The following CATSPERG variants were observed in gnomAD, a reference collection of about 807,000 sequenced individuals.
CATSPERG encodes the protein cation channel sperm-associated auxiliary subunit gamma.
In CATSPERG, 115 loss-of-function variants were observed where a neutral mutation model predicts 145.0. The ratio of observed to expected loss-of-function variants is 0.79; its 90% CI spans 0.68 to 0.93. The LOEUF (loss-of-function observed/expected upper bound fraction) is 0.93, where lower values mean the gene tolerates loss of function less well. Ranked by LOEUF, CATSPERG falls within the 40% of genes least tolerant of loss-of-function variation. The pLI is 0.00. For missense variants in CATSPERG, 1,296 were observed against 1,490.1 expected (o/e 0.87, Z 2.14); for synonymous variants, 588 against 589.0 (o/e 1.00, Z 0.02).
chr19:38,337,728 T>C (rs1568369844), intron 3 of CATSPERG, 82 bp downstream of exon 3: 1 of 1,302,604 alleles, frequency 7.7e-7, no homozygotes, highest in South Asian at 1.5e-5. Flanking sequence ...TTATTTATTT[T>C]ATTTTTTTGA....
At position 38,358,421 on chromosome 19, in the gene CATSPERG, G is replaced by A; in HGVS notation, c.1367-11G>A. The A allele has an allele frequency of 3.1e-6, 5 of 1,614,162 alleles. No individual in the cohort carries two copies. Among genetic ancestry groups the A allele is most frequent in the Non-Finnish European group, 4.2e-6 (5 of 1,180,002 alleles). ...TCACTGCTGTGTCCTCTCTTCCTCTGCTCCGGTCAGCTCGAGGATTGGAGT... is the reference window on the plus strand; with the variant it reads ...TCACTGCTGTGTCCTCTCTTCCTCTACTCCGGTCAGCTCGAGGATTGGAGT... On this transcript the variant is annotated splice_polypyrimidine_tract_variant and intron_variant, in intron 12 of 28. Transcript: ENST00000409235.
chr19:38,359,832 T>C, intron 14 of CATSPERG: 1 of 1,232,018 alleles, frequency 8.1e-7, no homozygotes, highest in Non-Finnish European at 1.0e-6. Context: ...AGTGTGGTCG[T>C]TCACTTCATA....
Position 38,365,105 on chromosome 19 carries a change from G to T in CATSPERG, c.2601G>T (p.Gly867=). ...TCTGCTTCCAGGAAACACACCTGGG[G>T]CCCCATATGCAAGTATTGGAGCTTG... ...SGLCFQETHL[G]PHMQGNLMVP... is the part of the protein sequence containing the mutation. The change falls in exon 22 of 29, where the codon GGG becomes GGT. Residue 867 remains glycine (G), a synonymous_variant. Coordinates refer to ENST00000409235, the MANE Select transcript of CATSPERG (RefSeq NM_021185.5). 1.2e-6 allele frequency: 2 copies of T among 1,613,648 alleles called. No individual in the cohort carries two copies. The highest frequency in any genetic ancestry group is 1.7e-6 in the Non-Finnish European group (2 of 1,180,016).
chr19:38,359,165 T>C (rs548337472), intron 13 of CATSPERG, among the ~76,000 whole-genome samples: 82 of 151,986 alleles, frequency 5.4e-4, no homozygotes, highest in African/African-American at 1.9e-3. Context: ...ACAAACATTT[T>C]CTAGGGACAG....
intron 11 of CATSPERG, 22 bp downstream of exon 11, chr19:38,356,883 G>T (rs763363222): frequency 6.2e-7 from 1 of 1,613,030 alleles, no homozygotes; most frequent in Non-Finnish European, 8.5e-7. Context: ...GATGCAAGGG[G>T]CTGGGCACAA....
At position 38,337,344 on chromosome 19, in the gene CATSPERG, C is replaced by T; in HGVS notation, c.110C>T (p.Ala37Val). 4 of 1,551,416 alleles carry T rather than the reference C, an allele frequency of 2.6e-6. No individual in the cohort carries two copies. Among genetic ancestry groups the T allele is most frequent in the Non-Finnish European group, 3.5e-6 (4 of 1,146,972 alleles). The change falls in exon 2 of 29, where the codon GCG becomes GTG. Residue 37 changes from alanine to valine, a missense_variant. Coordinates refer to ENST00000409235, the MANE Select transcript of CATSPERG (RefSeq NM_021185.5). ...CTCCTGGCGTCGTGGAGGCTGTGGG[C>T]GATCAAGGATTTCCAGGAATGCACC... ...AVLLASWRLW[A>V]IKDFQECTWQ...
intron 28 of CATSPERG, 131 bp from the exon 29 acceptor site, chr19:38,370,395 G>A: frequency 7.0e-7 from 1 of 1,418,982 alleles, no homozygotes; most frequent in South Asian, 1.2e-5. Context: ...CCATGCCACA[G>A]GCTGTCTACT....
intron 4 of CATSPERG, 102 bp from the exon 5 acceptor site, chr19:38,343,891 A>T: frequency 6.9e-7 from 1 of 1,455,582 alleles, no homozygotes; most frequent in African/African-American, 1.4e-5. Flanking sequence ...CATGGCGTGG[A>T]GGCAGGTATG....
At chr19:38,345,152 G>A (rs1340690828) in intron 6 of CATSPERG, among the ~76,000 whole-genome samples, 1 of 151,508 alleles carries the variant, frequency 6.6e-6, no homozygotes, top group African/African-American at 2.4e-5. Flanking sequence ...AGAGTGCAGT[G>A]GTACGATCTT....
intron 9 of CATSPERG, 109 bp from the exon 10 acceptor site, chr19:38,356,375 C>A (rs1470706131): frequency 2.3e-5 from 21 of 896,734 alleles, no homozygotes; most frequent in South Asian, 1.5e-5. Context: ...AGAATGAGAT[C>A]CCAAGGACGG....
chr19:38,344,434 C>A, intron 6 of CATSPERG, 66 bp downstream of exon 6: 1 of 1,391,642 alleles, frequency 7.2e-7, no homozygotes, highest in South Asian at 1.2e-5. Flanking sequence ...TGGTTACTTC[C>A]CAGACAAGCA....
chr19:38,347,879 T>G (rs1432560789), intron 7 of CATSPERG, among the ~76,000 whole-genome samples: 1 of 150,354 alleles, frequency 6.7e-6, no homozygotes, highest in African/African-American at 2.5e-5. Context: ...AGGCGGAAGT[T>G]GCAGTGAGCC....
Position 38,337,240 on chromosome 19 carries a change from C to A in CATSPERG, c.6C>A (p.Cys2Ter), listed in dbSNP as rs887097386. The change falls in exon 2 of 29, where the codon TGC (cysteine) becomes TGA (stop). Residue 2 changes from cysteine (C) to a stop codon, truncating the protein, a stop_gained. Coordinates refer to ENST00000409235, the MANE Select transcript of CATSPERG (RefSeq NM_021185.5). LOFTEE classifies it high-confidence loss of function. M[C>*]GPAMFPAGPP... Reference sequence around the variant, plus strand: ...CTCCAGGTTCTAGCCACGTTATGTGCGGCCCAGCCATGTTCCCTGCCGGTC... The same window carrying A: ...CTCCAGGTTCTAGCCACGTTATGTGAGGCCCAGCCATGTTCCCTGCCGGTC... 18 of 1,550,872 alleles carry A rather than the reference C, an allele frequency of 1.2e-5. No individual in the cohort carries two copies. The African/African-American group carries it at 1.5e-4, about 13-fold the overall frequency.
At chr19:38,358,595 T>A in intron 13 of CATSPERG, 34 bp downstream of exon 13, 2 of 1,613,542 alleles carry the variant, frequency 1.2e-6, no homozygotes, top group Non-Finnish European at 1.7e-6. Context: ...GGGCCAGGCA[T>A]ACTCTGTCTC....
intron 6 of CATSPERG, among the ~76,000 whole-genome samples, chr19:38,345,651 C>T (rs1397169848): frequency 6.6e-6 from 1 of 151,554 alleles, no homozygotes; most frequent in South Asian, 2.1e-4. Flanking sequence ...ATTATAGGCA[C>T]GTGCCACCAC....
intron 7 of CATSPERG, 70 bp downstream of exon 7, chr19:38,346,675 G>C: frequency 7.0e-7 from 1 of 1,420,540 alleles, no homozygotes; most frequent in Non-Finnish European, 9.5e-7. Context: ...CTGAAATAAG[G>C]TAGGGGCCTG....
intron 13 of CATSPERG, among the ~76,000 whole-genome samples, 180 bp from the exon 14 acceptor site, chr19:38,359,290 C>T (rs1970302703): frequency 6.6e-6 from 1 of 151,858 alleles, no homozygotes; most frequent in African/African-American, 2.4e-5. Context: ...TCCTGTTTTA[C>T]AGATGGGGAG....
chr19:38,355,639 G>A (rs1164491926), intron 9 of CATSPERG, among the ~76,000 whole-genome samples: 2 of 152,104 alleles, frequency 1.3e-5, no homozygotes, highest in African/African-American at 2.4e-5. Flanking sequence ...GGAGGTTGCA[G>A]TAAGCCAAGA....
At position 38,370,731 on chromosome 19, in the gene CATSPERG, C is replaced by G. The variant is rs1284931542; in HGVS notation, c.3419C>G (p.Ser1140Cys). The change falls in exon 29 of 29, where the codon TCC (serine) becomes TGC (cysteine). Residue 1140 changes from serine (S) to cysteine (C), a missense_variant. Ser to Cys is a moderately radical substitution (Grantham distance 112). Transcript: ENST00000409235. Reference sequence around the variant, plus strand: ...TCCAGGATGGGCTCCATGTTCAGCTCCAGGATGACAGAGGACAGGGCTGAA... The same window carrying G: ...TCCAGGATGGGCTCCATGTTCAGCTGCAGGATGACAGAGGACAGGGCTGAA... ...RHSRMGSMFS[S>C]RMTEDRAEPK... The G allele has an allele frequency of 1.2e-6, 2 of 1,614,052 alleles. No homozygotes were observed. Among genetic ancestry groups the G allele is most frequent in the South Asian group, 2.2e-5 (2 of 91,074 alleles).
Sources: gnomAD v4.1 joint callset for allele counts (sites outside exome capture counted in the v4.1 genomes callset) on GRCh38, gnomAD v4.1.1 for gene constraint, MANE v1.5 for transcripts, NCBI Gene and HGNC (gene_info 2026-07-23, HGNC 2026-07-21) for gene names.